DNAJC6: variants seen among roughly 807,000 people sequenced by gnomAD.
DNAJC6 encodes the protein DnaJ heat shock protein family (Hsp40) member C6, also known as auxilin.
Under a neutral mutation model 110.0 loss-of-function variants are expected in DNAJC6, and 34 were observed. The observed-to-expected ratio is 0.31, with a 90% confidence interval of 0.24 to 0.41. DNAJC6 has a LOEUF of 0.41. Ranked by LOEUF, DNAJC6 falls within the 10% of genes least tolerant of loss-of-function variation. The pLI is 1.00. For synonymous variants in DNAJC6, 406 were observed against 437.2 expected, an observed-to-expected ratio of 0.93 and a Z score of 0.89; for missense variants, 1,031 against 1,207.8, an observed-to-expected ratio of 0.85 and a Z score of 2.17.
At chr1:65,319,795 C>T (rs1483749223) in intron 1 of DNAJC6, among the ~76,000 whole-genome samples, 1 of 151,996 alleles carries the variant, frequency 6.6e-6, no homozygotes, top group Non-Finnish European at 1.5e-5. Context: ...TAGTTTCTTC[C>T]TCTTCTGCAG....
At chr1:65,279,922 GATAAA>G (rs1462690150) in intron 1 of DNAJC6, 3 of 152,280 alleles carry the variant, frequency 2.0e-5, no homozygotes, top group Admixed American at 2.0e-4. Context: ...AGTCAGGGAA[GATAAA>G]AGAAAGCTAC....
intron 1 of DNAJC6, among the ~76,000 whole-genome samples, chr1:65,286,088 C>T (rs945266257): frequency 2.0e-5 from 3 of 152,158 alleles, no homozygotes; most frequent in Non-Finnish European, 4.4e-5. Flanking sequence ...CCTCCCTGCC[C>T]CAGCAACTTG....
intron 1 of DNAJC6, among the ~76,000 whole-genome samples, chr1:65,349,767 G>A (rs1197962488): frequency 6.6e-6 from 1 of 150,900 alleles, no homozygotes; most frequent in African/African-American, 2.4e-5. Context: ...GTCTTATTCT[G>A]ATGTGTCTAA....
In DNAJC6 at chr1:65,379,386, T is replaced by C; in HGVS notation, c.544-16T>C. 2.5e-6 allele frequency: 4 copies of C among 1,613,528 alleles called. No homozygotes were observed. The highest frequency in any genetic ancestry group is 3.4e-6 in the Non-Finnish European group (4 of 1,179,758). Reference sequence around the variant, plus strand: ...GTTGCTGGAGGAATTAATTTCCTTTTGCTGTGCTCCCTTAGGTCTCAGAAT... The same window carrying C: ...GTTGCTGGAGGAATTAATTTCCTTTCGCTGTGCTCCCTTAGGTCTCAGAAT... On this transcript the variant is annotated splice_polypyrimidine_tract_variant and intron_variant, in intron 4 of 18. Transcript: ENST00000371069.
At chr1:65,316,602 A>G (rs545700886) in intron 1 of DNAJC6, among the ~76,000 whole-genome samples, 20 of 152,328 alleles carry the variant, frequency 1.3e-4, no homozygotes, top group African/African-American at 4.8e-4. Context: ...GCACAAAAGC[A>G]TGAATGGATT....
At chr1:65,310,714 G>A (rs1259951691) in intron 1 of DNAJC6, among the ~76,000 whole-genome samples, 1 of 152,160 alleles carries the variant, frequency 6.6e-6, no homozygotes, top group East Asian at 1.9e-4. Context: ...TGGAACTGCT[G>A]TTGGCATTTG....
At chr1:65,358,189 A>C (rs34867330) in intron 1 of DNAJC6, among the ~76,000 whole-genome samples, 12 of 150,010 alleles carry the variant, frequency 8.0e-5, no homozygotes, top group African/African-American at 2.0e-4. Flanking sequence ...AAAAAAAAAA[A>C]AAAAAAAAAA....
intron 1 of DNAJC6, among the ~76,000 whole-genome samples, chr1:65,268,248 CT>C (rs1653400191): frequency 6.6e-6 from 1 of 152,138 alleles, no homozygotes; most frequent in Non-Finnish European, 1.5e-5. Context: ...CCTTTTCCAT[CT>C]TTTTAGTTCA....
intron 1 of DNAJC6, among the ~76,000 whole-genome samples, chr1:65,358,546 T>C (rs1252559020): frequency 6.6e-6 from 1 of 152,228 alleles, no homozygotes; most frequent in Non-Finnish European, 1.5e-5. Context: ...AGGCATTCAG[T>C]AGGTTTCAGT....
At chr1:65,387,241 G>A (rs576930958) in intron 8 of DNAJC6, among the ~76,000 whole-genome samples, 1 of 152,298 alleles carries the variant, frequency 6.6e-6, no homozygotes, top group South Asian at 2.1e-4. Flanking sequence ...CAGTGTAAGG[G>A]AAGAGATTTC....
chr1:65,294,595 G>A (rs1644911895), intron 1 of DNAJC6, among the ~76,000 whole-genome samples: 1 of 152,126 alleles, frequency 6.6e-6, no homozygotes, highest in Non-Finnish European at 1.5e-5. Context: ...GAGATGTGCT[G>A]TAAGTATAAA....
chr1:65,365,419 A>G (rs900634113), intron 2 of DNAJC6, among the ~76,000 whole-genome samples: 1 of 152,184 alleles, frequency 6.6e-6, no homozygotes, highest in Non-Finnish European at 1.5e-5. Flanking sequence ...ACATTATATT[A>G]ATCAAAATTT....
intron 1 of DNAJC6, among the ~76,000 whole-genome samples, chr1:65,355,272 A>G (rs1278570835): frequency 6.6e-5 from 10 of 151,726 alleles, no homozygotes; most frequent in Admixed American, 6.6e-5. Flanking sequence ...CTCAAAAAAA[A>G]AAAAAAAAAA....
At chr1:65,403,748 C>T (rs763930523) in intron 15 of DNAJC6, among the ~76,000 whole-genome samples, 1 of 152,208 alleles carries the variant, frequency 6.6e-6, no homozygotes, top group Non-Finnish European at 1.5e-5. Flanking sequence ...AAGTTCTCTG[C>T]TTCAATAGCA....
At chr1:65,278,499 CTAAG>C (rs1169557983) in intron 1 of DNAJC6, among the ~76,000 whole-genome samples, 6 of 152,166 alleles carry the variant, frequency 3.9e-5, no homozygotes, top group African/African-American at 9.7e-5. Flanking sequence ...TGAAAATGTA[CTAAG>C]TAAGAGGGCT....
chr1:65,303,133 C>T (rs74838363), intron 1 of DNAJC6, among the ~76,000 whole-genome samples: 2,095 of 152,190 alleles, frequency 0.014, 28 homozygotes, highest in Non-Finnish European at 0.018. Context: ...GAAACCAGAG[C>T]GATTTTTTCT....
rs1653738863 is a variant in DNAJC6, at chr1:65,278,289, T to C, written c.-131+13357T>C. Among the ~76,000 whole-genome samples the C allele has an allele frequency of 2.0e-5, 3 of 152,224 alleles. No homozygotes were observed. In the South Asian group the frequency reaches 6.2e-4, roughly 32 times the overall value. On this transcript the variant is annotated intron_variant, in intron 1 of 19. Coordinates refer to the DNAJC6 transcript ENST00000263441. ...TCAGGTCTCCTTTTTCAAATCAATA[T>C]TATGGCAATTCTAGTAAATGATCAG...
At chr1:65,317,122 T>C (rs1645155842) in intron 1 of DNAJC6, among the ~76,000 whole-genome samples, 1 of 152,250 alleles carries the variant, frequency 6.6e-6, no homozygotes. Flanking sequence ...ATAAGCTTTG[T>C]GCTAACTTAA....
At chr1:65,357,155 G>T (rs1645551587) in intron 1 of DNAJC6, among the ~76,000 whole-genome samples, 1 of 152,132 alleles carries the variant, frequency 6.6e-6, no homozygotes, top group Admixed American at 6.5e-5. Flanking sequence ...TAGTTTCAGG[G>T]ATTTCTATCC....
Sources: allele counts gnomAD v4.1 joint callset (sites outside exome capture counted in the v4.1 genomes callset), GRCh38; gene constraint gnomAD v4.1.1; transcripts MANE v1.5; gene names NCBI Gene and HGNC (gene_info 2026-07-23, HGNC 2026-07-21).